MYLK: variants seen among roughly 807,000 people sequenced by gnomAD.
MYLK encodes myosin light chain kinase.
A neutral mutation model predicts 203.4 loss-of-function variants in MYLK; 106 were observed. The observed-to-expected ratio is 0.52, with a 90% CI of 0.45 to 0.61. MYLK has a LOEUF of 0.61. Ranked by LOEUF, MYLK falls within the 20% of genes least tolerant of loss-of-function variation. MYLK has a pLI of 0.00. For missense variants in MYLK, 2,072 were observed against 2,442.3 expected (o/e 0.85, Z 3.20); for synonymous variants, 867 against 959.5 (o/e 0.90, Z 1.78).
chr3:123,853,072 A>G (rs1258636405), intron 2 of MYLK, among the ~76,000 whole-genome samples: 1 of 152,136 alleles, frequency 6.6e-6, no homozygotes, highest in Non-Finnish European at 1.5e-5. Context: ...AAAGCTCCTA[A>G]GAATCTTAAG....
intron 8 of MYLK, among the ~76,000 whole-genome samples, chr3:123,736,412 A>T (rs901036620): frequency 6.6e-6 from 1 of 152,158 alleles, no homozygotes; most frequent in Admixed American, 6.5e-5. Context: ...AGGAGGAAGG[A>T]CTGAAAGCCA....
intron 2 of MYLK, among the ~76,000 whole-genome samples, chr3:123,841,801 C>T (rs1407679857): frequency 6.6e-6 from 1 of 152,116 alleles, no homozygotes; most frequent in Non-Finnish European, 1.5e-5. Flanking sequence ...CTGAGAGTGT[C>T]AGGAAGATAT....
intron 20 of MYLK, among the ~76,000 whole-genome samples, chr3:123,669,530 G>C (rs1286416623): frequency 6.6e-6 from 1 of 151,522 alleles, no homozygotes; most frequent in Non-Finnish European, 1.5e-5. Context: ...TTAATTTCAT[G>C]TTTTGATCAT....
chr3:123,627,823 G>A (rs939568256), intron 30 of MYLK, among the ~76,000 whole-genome samples: 1 of 152,088 alleles, frequency 6.6e-6, no homozygotes, highest in African/African-American at 2.4e-5. Context: ...GGAATTTAGT[G>A]TCTTGATCTA....
chr3:123,620,541 A>G, intron 31 of MYLK: 2 of 1,420,644 alleles, frequency 1.4e-6, no homozygotes, highest in Non-Finnish European at 1.8e-6. Context: ...ATGTTCAGAG[A>G]ATGGAATGGG....
intron 1 of MYLK, among the ~76,000 whole-genome samples, chr3:123,877,725 T>TAGAA (rs2033252331): frequency 6.6e-6 from 1 of 152,198 alleles, no homozygotes; most frequent in African/African-American, 2.4e-5. Flanking sequence ...ACCTGCTGCT[T>TAGAA]CCTCATGAAC....
chr3:123,771,676 C>T (rs780620357), intron 4 of MYLK, among the ~76,000 whole-genome samples: 6 of 152,184 alleles, frequency 3.9e-5, no homozygotes, highest in Non-Finnish European at 8.8e-5. Flanking sequence ...TAAGCTCATC[C>T]TAAGTTGAAA....
In MYLK at chr3:123,626,542, T is replaced by C. The variant is rs820451; in HGVS notation, c.5238+276A>G. On this transcript the variant is annotated intron_variant, in intron 31 of 33. Transcript: ENST00000360304. ...AAGACACAAAATGTCATTGGCTTAATCTGAATAAGGGTTTACGGTCCCCTG... is the reference window on the plus strand; with the variant it reads ...AAGACACAAAATGTCATTGGCTTAACCTGAATAAGGGTTTACGGTCCCCTG... Among the ~76,000 whole-genome samples the C allele has an allele frequency of 0.38, 58,235 of 152,032 alleles. 16,659 individuals are homozygous for C. Among genetic ancestry groups the C allele is most frequent in the African/African-American group, 0.78 (32,295 of 41,428 alleles).
At position 123,779,368 on chromosome 3, in the gene MYLK, G is replaced by T. The variant is rs192147514; in HGVS notation, c.165+14309C>A. Among the ~76,000 whole-genome samples the T allele has an allele frequency of 1.1e-4, 16 of 152,354 alleles. No individual in the cohort carries two copies. The East Asian group carries it at 1.7e-3, about 17-fold the overall frequency. On this transcript the variant is annotated intron_variant, in intron 4 of 33. Coordinates refer to ENST00000360304, the MANE Select transcript of MYLK (RefSeq NM_053025.4). Reference sequence around the variant, plus strand: ...CTCAGCCTAATGCCTTTTAAGTCAGGATCCAGATTTGATTTGATTTTCCTT... The same window carrying T: ...CTCAGCCTAATGCCTTTTAAGTCAGTATCCAGATTTGATTTGATTTTCCTT...
intron 3 of MYLK, among the ~76,000 whole-genome samples, chr3:123,802,759 C>T (rs930239506): frequency 1.3e-5 from 2 of 152,304 alleles, no homozygotes; most frequent in Admixed American, 6.5e-5. Flanking sequence ...TTCTGCGATA[C>T]AAGTCATATG....
intron 12 of MYLK, 142 bp downstream of exon 12, chr3:123,725,802 G>C (rs573348911): frequency 1.3e-4 from 163 of 1,253,992 alleles, no homozygotes; most frequent in Middle Eastern, 2.7e-4. Context: ...CCCAGTGCCC[G>C]TGCTCTCTTT....
chr3:123,674,197 G>T (rs769280190), intron 20 of MYLK, among the ~76,000 whole-genome samples: 2 of 151,796 alleles, frequency 1.3e-5, no homozygotes, highest in Non-Finnish European at 2.9e-5. Flanking sequence ...TTCTCCCAAG[G>T]CCCCCTCCCT....
At chr3:123,847,283 T>C (rs2030139543) in intron 2 of MYLK, among the ~76,000 whole-genome samples, 1 of 152,062 alleles carries the variant, frequency 6.6e-6, no homozygotes, top group Non-Finnish European at 1.5e-5. Context: ...CCAAGGGAGG[T>C]CCTGGAACCA....
At chr3:123,694,721 C>T (rs769589125) in intron 18 of MYLK, among the ~76,000 whole-genome samples, 7 of 152,226 alleles carry the variant, frequency 4.6e-5, no homozygotes, top group Non-Finnish European at 1.0e-4. Context: ...GGACCCGGCC[C>T]CTGCCTCCTC....
At chr3:123,815,718 C>A (rs1260250772) in intron 3 of MYLK, among the ~76,000 whole-genome samples, 1 of 152,198 alleles carries the variant, frequency 6.6e-6, no homozygotes, top group Non-Finnish European at 1.5e-5. Context: ...ATGAGGACAA[C>A]ATGGGGAGCT....
At chr3:123,738,354 G>C (rs767049391) in intron 7 of MYLK, among the ~76,000 whole-genome samples, 2 of 152,182 alleles carry the variant, frequency 1.3e-5, no homozygotes, top group Non-Finnish European at 2.9e-5. Flanking sequence ...CTGAGTAACA[G>C]AGGGAGAGTT....
intron 4 of MYLK, among the ~76,000 whole-genome samples, chr3:123,773,138 TACTATACA>T (rs1220633725): frequency 1.3e-5 from 2 of 152,114 alleles, no homozygotes; most frequent in Non-Finnish European, 2.9e-5. Context: ...AAGACCAAAA[TACTATACA>T]ACTATTAAGA....
chr3:123,744,062 T>C lies in MYLK; in HGVS notation c.374-4061A>G, dbSNP rs1037741255. ...GTTCTCCACTCTATCAGAACAAATA[T>C]CCGCTTTTTATAACACGTATTAACT... On this transcript the variant is annotated intron_variant, in intron 5 of 33. Coordinates refer to ENST00000360304, the MANE Select transcript of MYLK (RefSeq NM_053025.4). Among the ~76,000 whole-genome samples the C allele has an allele frequency of 3.7e-5, 4 of 107,262 alleles. No individual in the cohort carries two copies. In the East Asian group the frequency reaches 1.1e-3, roughly 31 times the overall value. 70.4% of individuals were successfully genotyped at this position (107,262 alleles called of 152,430 possible). A position where few individuals can be genotyped will look rare whatever the true frequency, so the allele number is the denominator to read the frequency against.
chr3:123,860,895 C>A (rs775869124), intron 2 of MYLK, among the ~76,000 whole-genome samples: 3 of 152,132 alleles, frequency 2.0e-5, no homozygotes, highest in Non-Finnish European at 4.4e-5. Flanking sequence ...CTTTGGAAAG[C>A]TGAGGAGGGA....
Sources: allele counts gnomAD v4.1 joint callset (sites outside exome capture counted in the v4.1 genomes callset), GRCh38; gene constraint gnomAD v4.1.1; transcripts MANE v1.5; gene names NCBI Gene and HGNC (gene_info 2026-07-23, HGNC 2026-07-21).